SUGCT: variants seen among roughly 807,000 people sequenced by gnomAD.
SUGCT encodes the protein succinyl-CoA:glutarate CoA-transferase.
A neutral mutation model predicts 55.0 loss-of-function variants in SUGCT; 41 were observed. The ratio of observed to expected loss-of-function variants is 0.74; its 90% confidence interval spans 0.58 to 0.97. The LOEUF (loss-of-function observed/expected upper bound fraction) is 0.97. SUGCT is among the 50% of genes least tolerant of loss of function. The pLI is 0.00. For missense variants in SUGCT, 568 were observed against 547.8 expected (o/e 1.04, Z -0.37); for synonymous variants, 187 against 200.4 (o/e 0.93, Z 0.56).
chr7:40,613,406 A>G (rs1798854293), intron 12 of SUGCT, among the ~76,000 whole-genome samples: 1 of 152,142 alleles, frequency 6.6e-6, no homozygotes, highest in Non-Finnish European at 1.5e-5. Context: ...GTGGAGTTAG[A>G]CTTCACTTAG....
chr7:40,196,385 C>T (rs919303927), intron 6 of SUGCT, among the ~76,000 whole-genome samples: 3 of 152,192 alleles, frequency 2.0e-5, no homozygotes, highest in Non-Finnish European at 4.4e-5. Context: ...AGGCAATAGA[C>T]TCAGATTCTG....
At chr7:40,366,895 C>G (rs1266607315) in intron 9 of SUGCT, among the ~76,000 whole-genome samples, 1 of 152,144 alleles carries the variant, frequency 6.6e-6, no homozygotes, top group Non-Finnish European at 1.5e-5. Context: ...TACCATTTGA[C>G]CCAGCCATCC....
chr7:41,002,449 T>C, the SUGCT span, among the ~76,000 whole-genome samples: 43,070 of 152,078 alleles, frequency 0.28, 7,634 homozygotes, highest in Admixed American at 0.45. Flanking sequence ...GGCACAGCCA[T>C]CAGCCGAGGG....
chr7:40,994,257 A>C, the SUGCT span, among the ~76,000 whole-genome samples: 1 of 152,144 alleles, frequency 6.6e-6, no homozygotes, highest in Admixed American at 6.5e-5. Context: ...GATCTCCCTA[A>C]TCTAATAAAG....
At chr7:40,856,670 C>G (rs1354744285) in intron 13 of SUGCT, among the ~76,000 whole-genome samples, 4 of 152,168 alleles carry the variant, frequency 2.6e-5, no homozygotes, top group Admixed American at 1.3e-4. Flanking sequence ...CAGTATTGAG[C>G]AGACTTAAAA....
At chr7:40,778,598 C>T (rs1386180502) in intron 13 of SUGCT, among the ~76,000 whole-genome samples, 1 of 152,230 alleles carries the variant, frequency 6.6e-6, no homozygotes, top group Non-Finnish European at 1.5e-5. Flanking sequence ...AAGAAAGGAA[C>T]CCTGGCATCC....
At chr7:40,175,877 A>G (rs927496006) in intron 1 of SUGCT, among the ~76,000 whole-genome samples, 2 of 152,072 alleles carry the variant, frequency 1.3e-5, no homozygotes, top group African/African-American at 4.8e-5. Context: ...GCATCTGTGC[A>G]TGTCTGGGAA....
At chr7:40,429,562 CCGAT>C (rs1407680187) in intron 9 of SUGCT, among the ~76,000 whole-genome samples, 1 of 152,124 alleles carries the variant, frequency 6.6e-6, no homozygotes, top group Non-Finnish European at 1.5e-5. Context: ...AACTTGGAGT[CCGAT>C]GTTTGACGAC....
the SUGCT span, among the ~76,000 whole-genome samples, chr7:40,930,112 G>A: frequency 6.6e-6 from 1 of 152,126 alleles, no homozygotes; most frequent in East Asian, 1.9e-4. Context: ...GTGTAAAGAA[G>A]GGTACCAGTT....
Position 40,189,528 on chromosome 7 carries a change from A to G in SUGCT, c.313-16A>G, listed in dbSNP as rs10236765. The G allele has an allele frequency of 1.6e-5, 16 of 980,930 alleles. No homozygotes were observed. The East Asian group carries it at 5.3e-4, about 32-fold the overall frequency. The allele number at this position is 980,930 out of a possible 1,614,324, so 60.8% of individuals were successfully genotyped here. A position where few individuals can be genotyped will look rare whatever the true frequency, so the allele number is the denominator to read the frequency against. ...TCATCGAAATAATATATATATATAT[A>G]TTTTTTAATTTTTAGAGTATTGCTG... is the stretch of plus-strand genomic sequence containing the variant. On this transcript the variant is annotated splice_polypyrimidine_tract_variant and intron_variant, in intron 4 of 13. Transcript: ENST00000335693.
chr7:40,499,834 A>G (rs1424888603), intron 12 of SUGCT, among the ~76,000 whole-genome samples: 1 of 152,216 alleles, frequency 6.6e-6, no homozygotes, highest in Non-Finnish European at 1.5e-5. Flanking sequence ...AGTACATTAA[A>G]GGAATTCTTA....
intron 12 of SUGCT, among the ~76,000 whole-genome samples, chr7:40,517,322 T>C (rs1163416522): frequency 1.3e-5 from 2 of 151,980 alleles, no homozygotes; most frequent in African/African-American, 2.4e-5. Context: ...TTCTTGTCTT[T>C]TTCTTTTCTT....
chr7:40,190,999 T>C (rs1158368067), intron 5 of SUGCT, among the ~76,000 whole-genome samples: 1 of 152,170 alleles, frequency 6.6e-6, no homozygotes, highest in Non-Finnish European at 1.5e-5. Flanking sequence ...TTAGGGCTAT[T>C]TGGTTAGAGA....
intron 13 of SUGCT, among the ~76,000 whole-genome samples, chr7:40,787,887 C>T (rs781586280): frequency 2.0e-5 from 3 of 152,126 alleles, no homozygotes; most frequent in Admixed American, 6.6e-5. Context: ...TGCCCATCCC[C>T]GCATCAAAAG....
At chr7:40,791,860 T>A (rs1416521752) in intron 13 of SUGCT, among the ~76,000 whole-genome samples, 1 of 152,162 alleles carries the variant, frequency 6.6e-6, no homozygotes, top group Non-Finnish European at 1.5e-5. Flanking sequence ...TGACACAAGC[T>A]CCCTTTGGAA....
intron 9 of SUGCT, among the ~76,000 whole-genome samples, chr7:40,416,722 C>A (rs908137528): frequency 6.6e-6 from 1 of 151,872 alleles, no homozygotes; most frequent in African/African-American, 2.4e-5. Context: ...TGAAGTTGGA[C>A]TGTGATTTTC....
At chr7:40,834,424 A>G (rs1792856986) in intron 13 of SUGCT, among the ~76,000 whole-genome samples, 1 of 152,250 alleles carries the variant, frequency 6.6e-6, no homozygotes, top group African/African-American at 2.4e-5. Flanking sequence ...TAGACTGGTT[A>G]TAAATAGGAC....
At chr7:40,686,534 G>C (rs1218097526) in intron 12 of SUGCT, among the ~76,000 whole-genome samples, 2 of 152,136 alleles carry the variant, frequency 1.3e-5, no homozygotes, top group Non-Finnish European at 2.9e-5. Flanking sequence ...AAGCTGACTG[G>C]GAGCTTTGTA....
chr7:40,299,690 C>T (rs954369042), intron 8 of SUGCT, among the ~76,000 whole-genome samples: 1 of 151,886 alleles, frequency 6.6e-6, no homozygotes, highest in Admixed American at 6.6e-5. Context: ...TATCAGTTGC[C>T]AATTTATAAT....
Sources: allele counts gnomAD v4.1 joint callset (sites outside exome capture counted in the v4.1 genomes callset), GRCh38; gene constraint gnomAD v4.1.1; transcripts MANE v1.5; gene names NCBI Gene and HGNC (gene_info 2026-07-23, HGNC 2026-07-21).